The following CNTNAP5 variants were observed in gnomAD, a reference collection of about 807,000 sequenced individuals.
CNTNAP5 encodes contactin-associated protein-like 5.
A neutral mutation model predicts 150.2 loss-of-function variants in CNTNAP5; 72 were observed. The observed-to-expected ratio is 0.48, with a 90% CI of 0.40 to 0.58. The LOEUF (loss-of-function observed/expected upper bound fraction) is 0.58. CNTNAP5 is among the 20% of genes least tolerant of loss of function. The pLI is 0.00. For missense variants in CNTNAP5, 1,636 were observed against 1,626.2 expected (o/e 1.01, Z -0.10); for synonymous variants, 672 against 619.8 (o/e 1.08, Z -1.25).
At chr2:124,163,000 C>T (rs1459309369) in intron 1 of CNTNAP5, among the ~76,000 whole-genome samples, 2 of 152,102 alleles carry the variant, frequency 1.3e-5, no homozygotes, top group Non-Finnish European at 2.9e-5. Flanking sequence ...AAGGGGACCT[C>T]AAGTTTCTAG....
intron 13 of CNTNAP5, among the ~76,000 whole-genome samples, chr2:124,713,737 A>C (rs544533417): frequency 1.3e-5 from 2 of 152,060 alleles, no homozygotes; most frequent in African/African-American, 4.8e-5. Flanking sequence ...ACCAGCTTCC[A>C]TACTGCTACC....
Position 124,435,073 on chromosome 2 carries a change from A to G in CNTNAP5, c.733+386A>G, listed in dbSNP as rs189600810. ...TTCAGAGGGAAAATGACGGGGAAACATTTTGGTTGCTCCGGGTTATTTTGT... is the reference window on the plus strand; with the variant it reads ...TTCAGAGGGAAAATGACGGGGAAACGTTTTGGTTGCTCCGGGTTATTTTGT... On this transcript the variant is annotated intron_variant, in intron 5 of 23. Transcript: ENST00000682447. Among the ~76,000 whole-genome samples, 195 of 152,304 alleles carry G rather than the reference A, an allele frequency of 1.3e-3. 1 individual carries two copies. The highest frequency in any genetic ancestry group is 2.5e-3 in the Non-Finnish European group (169 of 68,026).
chr2:124,885,494 G>T (rs1479981366), intron 21 of CNTNAP5, among the ~76,000 whole-genome samples: 3 of 151,032 alleles, frequency 2.0e-5, no homozygotes, highest in African/African-American at 7.3e-5. Flanking sequence ...GAGGCATTTA[G>T]TATATCCACA....
At chr2:124,274,445 A>G (rs761678997) in intron 3 of CNTNAP5, among the ~76,000 whole-genome samples, 14 of 152,054 alleles carry the variant, frequency 9.2e-5, no homozygotes, top group Non-Finnish European at 1.8e-4. Flanking sequence ...ATCTTTTCCC[A>G]TTTTGTGTGG....
chr2:124,749,235 G>A (rs1680669567), intron 14 of CNTNAP5, among the ~76,000 whole-genome samples: 1 of 152,070 alleles, frequency 6.6e-6, no homozygotes, highest in African/African-American at 2.4e-5. Flanking sequence ...TACTCTCACA[G>A]TGCATATTAG....
intron 11 of CNTNAP5, among the ~76,000 whole-genome samples, chr2:124,588,177 C>CTTCCTTCTTTCTTTCTTTCT (rs1558966029): frequency 9.0e-6 from 1 of 110,820 alleles, no homozygotes; most frequent in Admixed American, 9.3e-5. Flanking sequence ...TCCTTCCTTC[C>CTTCCTTCTTTCTTTCTTTCT]TTCTTTCTTT....
chr2:124,275,346 G>GT (rs766134450), intron 3 of CNTNAP5, among the ~76,000 whole-genome samples: 4 of 152,024 alleles, frequency 2.6e-5, no homozygotes, highest in Non-Finnish European at 4.4e-5. Context: ...CTAAATCTCA[G>GT]TATCAGACCA....
intron 1 of CNTNAP5, among the ~76,000 whole-genome samples, chr2:124,161,707 C>G (rs2699366): frequency 0.6 from 90,655 of 151,776 alleles, 27,593 homozygotes; most frequent in Non-Finnish European, 0.61. Flanking sequence ...AAATGCAGAT[C>G]AAAAAAAAGA....
At chr2:124,289,581 AT>A (rs1337685996) in intron 3 of CNTNAP5, among the ~76,000 whole-genome samples, 23 of 152,250 alleles carry the variant, frequency 1.5e-4, no homozygotes, top group Admixed American at 1.5e-3. Context: ...AAATCTATAC[AT>A]TTATAACCAA....
chr2:124,836,942 G>A lies in CNTNAP5; in HGVS notation c.3218-28364G>A, dbSNP rs187024014. ...TGATTTCTAAGACACCTATCTCTAAGGTCTTAAGTTTATGCCTCTCTCAGC... is the reference window on the plus strand; with the variant it reads ...TGATTTCTAAGACACCTATCTCTAAAGTCTTAAGTTTATGCCTCTCTCAGC... On this transcript the variant is annotated intron_variant, in intron 19 of 23. Coordinates refer to ENST00000682447, the MANE Select transcript of CNTNAP5 (RefSeq NM_001367498.1). Among the ~76,000 whole-genome samples the A allele has an allele frequency of 1.4e-4, 22 of 152,074 alleles. No homozygotes were observed. In the East Asian group the frequency reaches 4.1e-3, roughly 28 times the overall value.
At chr2:124,225,380 A>G (rs1370128844) in intron 2 of CNTNAP5, among the ~76,000 whole-genome samples, 1 of 152,180 alleles carries the variant, frequency 6.6e-6, no homozygotes, top group Non-Finnish European at 1.5e-5. Flanking sequence ...TGGCCAAAGC[A>G]CCACAACACT....
intron 23 of CNTNAP5, 48 bp from the exon 24 acceptor site, chr2:124,914,044 A>C: frequency 7.1e-7 from 1 of 1,418,072 alleles, no homozygotes; most frequent in Non-Finnish European, 9.9e-7. Context: ...TCCTGAGCAG[A>C]TGACTCATGA....
chr2:124,356,458 TC>T (rs1175140704), intron 3 of CNTNAP5, among the ~76,000 whole-genome samples: 2 of 68,200 alleles, frequency 2.9e-5, no homozygotes, highest in African/African-American at 1.2e-4. Context: ...CCCTCCCCCC[TC>T]CCCCCACCCC....
intron 3 of CNTNAP5, among the ~76,000 whole-genome samples, chr2:124,363,405 G>A (rs756940622): frequency 6.6e-6 from 1 of 152,094 alleles, no homozygotes. Flanking sequence ...ACATCTCCCT[G>A]TGTCAAACTC....
In CNTNAP5 at chr2:124,918,138, AG is replaced by A. The variant is rs375887372; in HGVS notation, c.*3851del. ...TCGGGTCAGGTTGGGGGATTCCAAA[AG>A]TCTTGCCTCCCATGAGTTGGACCTA... is the stretch of plus-strand genomic sequence containing the variant. On this transcript the variant is annotated 3_prime_UTR_variant, in exon 24 of 24. Coordinates refer to ENST00000682447, the MANE Select transcript of CNTNAP5 (RefSeq NM_001367498.1). Among the ~76,000 whole-genome samples the A allele has an allele frequency of 3.6e-4, 55 of 152,124 alleles. No homozygotes were observed. The East Asian group carries it at 7.2e-3, about 20-fold the overall frequency.
At chr2:124,352,979 G>A (rs1475624364) in intron 3 of CNTNAP5, among the ~76,000 whole-genome samples, 1 of 152,138 alleles carries the variant, frequency 6.6e-6, no homozygotes, top group Non-Finnish European at 1.5e-5. Context: ...CAGAACTAGA[G>A]AAAGATGCAC....
chr2:124,867,069 A>T (rs962355526), intron 20 of CNTNAP5, among the ~76,000 whole-genome samples: 1 of 152,162 alleles, frequency 6.6e-6, no homozygotes, highest in East Asian at 1.9e-4. Flanking sequence ...CCTGTGGGTC[A>T]GATCTGATAC....
At chr2:124,328,693 C>G (rs1689278057) in intron 3 of CNTNAP5, among the ~76,000 whole-genome samples, 1 of 152,078 alleles carries the variant, frequency 6.6e-6, no homozygotes, top group Non-Finnish European at 1.5e-5. Flanking sequence ...CTGAACAGTT[C>G]TAATAGGATG....
chr2:124,473,316 T>G (rs1693562842), intron 6 of CNTNAP5, among the ~76,000 whole-genome samples: 1 of 151,960 alleles, frequency 6.6e-6, no homozygotes, highest in Non-Finnish European at 1.5e-5. Context: ...AATGTTTTAA[T>G]GTAAATAATA....
Sources: gnomAD v4.1 joint callset for allele counts (sites outside exome capture counted in the v4.1 genomes callset) on GRCh38, gnomAD v4.1.1 for gene constraint, MANE v1.5 for transcripts, NCBI Gene and HGNC (gene_info 2026-07-23, HGNC 2026-07-21) for gene names.